The following PCDHA13 variants were observed in gnomAD, a reference collection of about 807,000 sequenced individuals.
The protein encoded by PCDHA13 is protocadherin alpha 13, also known as protocadherin alpha-13.
PCDHA13 carries 54 observed loss-of-function variants against 64.8 expected under a neutral mutation model. The observed-to-expected ratio is 0.83, with a 90% CI of 0.67 to 1.04. PCDHA13 has a LOEUF of 1.04. Ranked by LOEUF, PCDHA13 falls within the 50% of genes least tolerant of loss-of-function variation. The pLI is 0.00. For missense variants in PCDHA13, 1,248 were observed against 1,254.3 expected (o/e 0.99, Z 0.08); for synonymous variants, 587 against 564.4 (o/e 1.04, Z -0.57).
rs140423301 is a variant in PCDHA13 at position 140,995,612 on chromosome 5, C to T, written c.2542+13049C>T. Among the ~76,000 whole-genome samples, 11 of 152,156 alleles carry T rather than the reference C, an allele frequency of 7.2e-5. No individual in the cohort carries two copies. In the East Asian group the frequency reaches 2.1e-3, roughly 29 times the overall value. On this transcript the variant is annotated intron_variant, in intron 3 of 3. Transcript: ENST00000289272. ...AACTTAGTGTTTTTCTTCTCCCAAA[C>T]CAAATATTGGAAACTTTGGAGTGTT... is the stretch of plus-strand genomic sequence containing the variant.
intron 3 of PCDHA13, among the ~76,000 whole-genome samples, chr5:140,986,896 A>G (rs1221599593): frequency 2.6e-5 from 4 of 152,184 alleles, no homozygotes; most frequent in African/African-American, 4.8e-5. Context: ...CTTAGGCCCT[A>G]TCCTAGACTA....
intron 1 of PCDHA13, among the ~76,000 whole-genome samples, chr5:140,899,991 G>C (rs2067668603): frequency 6.6e-6 from 1 of 151,712 alleles, no homozygotes; most frequent in African/African-American, 2.4e-5. Context: ...GATTTTTTTT[G>C]TAGAGATGAG....
chr5:140,921,124 G>A (rs1017756296), intron 1 of PCDHA13, among the ~76,000 whole-genome samples: 1 of 146,978 alleles, frequency 6.8e-6, no homozygotes, highest in Non-Finnish European at 1.5e-5. Flanking sequence ...AGGACTACAG[G>A]TGCACACCAC....
rs142949338 is a variant in PCDHA13 at position 140,927,554 on chromosome 5, T to G, written c.2394+42892T>G. On this transcript the variant is annotated intron_variant, in intron 1 of 3. Coordinates refer to ENST00000289272, the MANE Select transcript of PCDHA13 (RefSeq NM_018904.3). ...CGCTCAGGAGACGCACAAGTCACCA[T>G]CATTGTGGTGGACACAAATGACAAC... The G allele has an allele frequency of 5.6e-6, 9 of 1,614,020 alleles. No individual in the cohort carries two copies. The African/African-American group carries it at 1.1e-4, about 19-fold the overall frequency.
chr5:140,942,846 A>C (rs1239885134), intron 1 of PCDHA13, among the ~76,000 whole-genome samples: 1 of 152,312 alleles, frequency 6.6e-6, no homozygotes, highest in East Asian at 1.9e-4. Flanking sequence ...AAATTCCAGT[A>C]AGATGATTAT....
chr5:140,926,424 G>A (rs894649962), intron 1 of PCDHA13: 2 of 153,468 alleles, frequency 1.3e-5, no homozygotes, highest in African/African-American at 4.8e-5. Context: ...AGAGGATGTG[G>A]AGGTTAAGAT....
chr5:140,921,942 C>G (rs1025333030), intron 1 of PCDHA13, among the ~76,000 whole-genome samples: 3 of 151,730 alleles, frequency 2.0e-5, no homozygotes, highest in Non-Finnish European at 4.4e-5. Context: ...TAATTTTACA[C>G]TTGTAAAATC....
chr5:140,905,580 T>C (rs2071928885), intron 1 of PCDHA13, among the ~76,000 whole-genome samples: 1 of 152,168 alleles, frequency 6.6e-6, no homozygotes, highest in Non-Finnish European at 1.5e-5. Flanking sequence ...AGAATGATAA[T>C]GATATTTTGC....
intron 1 of PCDHA13, among the ~76,000 whole-genome samples, chr5:140,937,039 C>CTTT (rs34994034): frequency 3.6e-5 from 5 of 140,162 alleles, no homozygotes; most frequent in African/African-American, 5.3e-5. Context: ...TTCCATTTAT[C>CTTT]TTTTTTTTTT....
intron 1 of PCDHA13, among the ~76,000 whole-genome samples, chr5:140,895,039 C>T (rs1274502441): frequency 6.6e-6 from 1 of 152,060 alleles, no homozygotes. Context: ...GTCCCCCACC[C>T]ACACCATTCT....
chr5:140,981,350 G>T (rs2096928266), intron 2 of PCDHA13, among the ~76,000 whole-genome samples: 1 of 152,168 alleles, frequency 6.6e-6, no homozygotes. Flanking sequence ...GAGGCAGGTG[G>T]ATCACTTGAG....
In PCDHA13 at chr5:141,011,628, A is replaced by G. The variant is rs568783669; in HGVS notation, c.*1691A>G. On this transcript the variant is annotated 3_prime_UTR_variant, in exon 4 of 4. Coordinates refer to ENST00000289272, the MANE Select transcript of PCDHA13 (RefSeq NM_018904.3). ...TTTATTTATGGTCCAGCCAAGAGCC[A>G]TCTCGTGCCAAGACTTCTGCTGGCA... is the stretch of plus-strand genomic sequence containing the variant. The G allele has an allele frequency of 6.5e-6, 1 of 153,882 alleles. No homozygotes were observed. Among genetic ancestry groups the G allele is most frequent in the East Asian group, 1.9e-4 (1 of 5,186 alleles). 9.5% of individuals were successfully genotyped at this position (153,882 alleles called of 1,614,324 possible).
intron 1 of PCDHA13, among the ~76,000 whole-genome samples, chr5:140,932,800 C>A (rs1041924506): frequency 6.6e-6 from 1 of 151,684 alleles, no homozygotes; most frequent in Non-Finnish European, 1.5e-5. Context: ...AAAAGCAATA[C>A]CTTGGAAACA....
chr5:140,928,161 C>A, intron 1 of PCDHA13: 3 of 1,613,960 alleles, frequency 1.9e-6, no homozygotes, highest in East Asian at 2.2e-5. Context: ...GTGGCTCACC[C>A]CCACTTAGCA....
At chr5:140,947,192 C>G (rs958443362) in intron 1 of PCDHA13, among the ~76,000 whole-genome samples, 27 of 151,038 alleles carry the variant, frequency 1.8e-4, no homozygotes, top group African/African-American at 6.6e-4. Flanking sequence ...GTATACTACA[C>G]AGCCTTAAAA....
rs2098417240 is a variant in PCDHA13 at position 141,010,418 on chromosome 5, G to A, written c.*481G>A. Reference sequence around the variant, plus strand: ...AGCCAGCTTAGACTAATTGGTACAAGGAAGGCAAGAAAACAAAGACAAATA... The same window carrying A: ...AGCCAGCTTAGACTAATTGGTACAAAGAAGGCAAGAAAACAAAGACAAATA... On this transcript the variant is annotated 3_prime_UTR_variant, in exon 4 of 4. Coordinates refer to ENST00000289272, the MANE Select transcript of PCDHA13 (RefSeq NM_018904.3). The A allele has an allele frequency of 3.4e-6, 4 of 1,168,142 alleles. No homozygotes were observed. The East Asian group carries it at 1.0e-4, about 30-fold the overall frequency. The allele number at this position is 1,168,142 out of a possible 1,614,324, so 72.4% of individuals were successfully genotyped here. A position where few individuals can be genotyped will look rare whatever the true frequency, so the allele number is the denominator to read the frequency against.
rs1554204518 is a variant in PCDHA13 at position 140,927,427 on chromosome 5, G to A, written c.2394+42765G>A. Reference sequence around the variant, plus strand: ...CCTGGACATGGGATCGCGGGTTGACGGCAGCGAATACCCGGAGTTGGTGTT... The same window carrying A: ...CCTGGACATGGGATCGCGGGTTGACAGCAGCGAATACCCGGAGTTGGTGTT... On this transcript the variant is annotated intron_variant, in intron 1 of 3. Transcript: ENST00000289272. 1.2e-6 allele frequency: 2 copies of A among 1,614,114 alleles called. No homozygotes were observed. Among genetic ancestry groups the A allele is most frequent in the Non-Finnish European group, 1.7e-6 (2 of 1,179,974 alleles).
chr5:140,961,549 T>C (rs782360372), intron 1 of PCDHA13, among the ~76,000 whole-genome samples: 3 of 152,220 alleles, frequency 2.0e-5, no homozygotes, highest in Non-Finnish European at 4.4e-5. Flanking sequence ...CTGCAGCATT[T>C]CTTTTTTTAA....
intron 3 of PCDHA13, among the ~76,000 whole-genome samples, chr5:140,996,604 A>G (rs1554255259): frequency 1.3e-5 from 2 of 152,090 alleles, no homozygotes; most frequent in African/African-American, 4.8e-5. Flanking sequence ...CCCCATTTTC[A>G]TTTGGCAAAT....
Sources: gnomAD v4.1 joint callset for allele counts (sites outside exome capture counted in the v4.1 genomes callset) on GRCh38, gnomAD v4.1.1 for gene constraint, MANE v1.5 for transcripts, NCBI Gene and HGNC (gene_info 2026-07-23, HGNC 2026-07-21) for gene names.